Variants in SEZ6L2 observed in about 807,000 individuals in gnomAD.
The protein encoded by SEZ6L2 is seizure related 6 homolog like 2, also known as seizure 6-like protein 2.
SEZ6L2 carries 44 observed loss-of-function variants against 97.0 expected under a neutral mutation model. The observed-to-expected ratio is 0.45, with a 90% CI of 0.36 to 0.58. SEZ6L2 has a LOEUF of 0.58. Among genes scored for constraint, SEZ6L2 ranks in the 20% least tolerant of loss-of-function variants. The pLI is 0.00. For missense variants in SEZ6L2, 1,086 were observed against 1,233.3 expected, an observed-to-expected ratio of 0.88 and a Z score of 1.79; for synonymous variants, 543 against 546.1, an observed-to-expected ratio of 0.99 and a Z score of 0.08.
chr16:29,890,224 T>C (rs2068242378), intron 5 of SEZ6L2, among the ~76,000 whole-genome samples: 1 of 152,152 alleles, frequency 6.6e-6, no homozygotes, highest in Admixed American at 6.5e-5. Context: ...CAAAATAGTC[T>C]TTAAAGGCAC....
Position 29,873,154 on chromosome 16 carries a change from T to G in SEZ6L2, c.2488+86A>C. The G allele has an allele frequency of 6.8e-7, 1 of 1,465,252 alleles. No homozygotes were observed. The highest frequency in any genetic ancestry group is 9.3e-7 in the Non-Finnish European group (1 of 1,073,650). The allele number at this position is 1,465,252 out of a possible 1,614,324, so 90.8% of individuals were successfully genotyped here. ...ACCGGGAGCTCTGTGGGGTCGCCCA[T>G]TGGTCTCAAATGTGCTACCTGACTC... On this transcript the variant is annotated intron_variant, in intron 14 of 17. Transcript: ENST00000617533. This position sits in a 1 kb window ranked among gnomAD's most constrained non-coding sequence, Gnocchi z 4.3.
intron 7 of SEZ6L2, 129 bp downstream of exon 7, chr16:29,887,520 G>A: frequency 2.7e-6 from 2 of 748,438 alleles, no homozygotes; most frequent in South Asian, 4.6e-5. Flanking sequence ...CACCGTGTTA[G>A]CCAGGATGGA....
In SEZ6L2 at chr16:29,881,860, C is replaced by T. The variant is rs538067742; in HGVS notation, c.1373-1796G>A. ...GGCCAGGCTGGTCTCGAACACCTGA[C>T]CTCAGGTGATCCACCCGCCTCAGCC... On this transcript the variant is annotated intron_variant, in intron 8 of 17. Coordinates refer to ENST00000617533, the MANE Select transcript of SEZ6L2 (RefSeq NM_001243332.2). Among the ~76,000 whole-genome samples the T allele has an allele frequency of 1.1e-4, 16 of 147,700 alleles. No individual in the cohort carries two copies. The East Asian group carries it at 3.0e-3, about 27-fold the overall frequency.
chr16:29,872,152 A>G, intron 17 of SEZ6L2, 35 bp downstream of exon 17: 1 of 1,490,204 alleles, frequency 6.7e-7, no homozygotes, highest in Non-Finnish European at 9.1e-7. Flanking sequence ...GGGAGAGCCA[A>G]GTGGTGGCTC....
chr16:29,874,185 T>C (rs2150778909), intron 12 of SEZ6L2, among the ~76,000 whole-genome samples: 1 of 152,294 alleles, frequency 6.6e-6, no homozygotes, highest in East Asian at 1.9e-4. Context: ...GTATGTTATA[T>C]TTCAGGCTTC....
rs2150803106 is a variant in SEZ6L2 at position 29,887,776 on chromosome 16, T to C, written c.1081A>G (p.Ile361Val). The C allele has an allele frequency of 6.2e-7, 1 of 1,613,816 alleles. No homozygotes were observed. Among genetic ancestry groups the C allele is most frequent in the Non-Finnish European group, 8.5e-7 (1 of 1,179,904 alleles). ...GCTCCCCCAGGCTCTGGGGACACGA[T>C]GCGGCCCAGGGTGGCATTGTGGATG... ...GTIHNATLGRIVSPEPGGAVG... is the reference protein window; with the variant it reads ...GTIHNATLGRVVSPEPGGAVG... Residue 361 changes from isoleucine (I) to valine (V), a missense_variant, in exon 7 of 18, where the codon ATC becomes GTC. By Grantham distance (29) the Ile-to-Val change is conservative (BLOSUM62 3). Around this residue, in one of 2 missense-constraint regions of SEZ6L2, gnomAD observed 776 missense variants for 794.7 expected, o/e 0.98. Transcript: ENST00000617533.
chr16:29,872,254 G>T lies in SEZ6L2; in HGVS notation c.2675C>A (p.Ser892Ter). 1 of 1,612,490 alleles carries T rather than the reference G, an allele frequency of 6.2e-7. No homozygotes were observed. The highest frequency in any genetic ancestry group is 8.5e-7 in the Non-Finnish European group (1 of 1,179,298). ...GATGGGGCTGTAGGAGTGGGAGCCC[G>T]AGAAGCCGAAAAGGGACTTTCCCTG... ...KLQGKSLFGF[S>*]GSHSYSPITV... Residue 892 changes from serine (S) to a stop codon, truncating the protein, a stop_gained, in exon 17 of 18, where the codon TCG (serine) becomes TAG (stop). Coordinates refer to ENST00000617533, the MANE Select transcript of SEZ6L2 (RefSeq NM_001243332.2). LOFTEE classifies it high-confidence loss of function.
intron 1 of SEZ6L2, 63 bp downstream of exon 1, chr16:29,898,878 G>T: frequency 7.8e-7 from 1 of 1,274,572 alleles, no homozygotes; most frequent in Non-Finnish European, 1.1e-6. Context: ...TTAAGAGAAA[G>T]GAGGGTGGAG....
intron 9 of SEZ6L2, among the ~76,000 whole-genome samples, chr16:29,879,505 G>A (rs1327512860): frequency 6.6e-6 from 1 of 152,180 alleles, no homozygotes; most frequent in East Asian, 1.9e-4. Context: ...TATTACAGGC[G>A]TGAGCCACCG....
rs2068403215 is a variant in SEZ6L2 at position 29,896,860 on chromosome 16, A to G, written c.473T>C (p.Ile158Thr). The change falls in exon 3 of 18, where the codon ATC becomes ACC. Residue 158 changes from isoleucine (I) to threonine (T), a missense_variant. Ile to Thr is a moderately conservative substitution (Grantham distance 89). Transcript: ENST00000617533. ...CGTAGTGGTAACAGTTGTCGTGGTG[A>G]TGATGGTGGTCGTCGTCTCCTCCTC... ...GGEEETTTTI[I>T]TTTTVTTTVT... 6.2e-7 allele frequency: 1 copy of G among 1,613,720 alleles called. No individual in the cohort carries two copies. Among genetic ancestry groups the G allele is most frequent in the Non-Finnish European group, 8.5e-7 (1 of 1,179,926 alleles).
In SEZ6L2 at chr16:29,873,145, G is replaced by A; in HGVS notation, c.2488+95C>T. The A allele has an allele frequency of 7.3e-7, 1 of 1,376,072 alleles. No homozygotes were observed. Among genetic ancestry groups the A allele is most frequent in the East Asian group, 2.4e-5 (1 of 41,810 alleles). 85.2% of individuals were successfully genotyped at this position (1,376,072 alleles called of 1,614,324 possible). A position where few individuals can be genotyped will look rare whatever the true frequency, so the allele number is the denominator to read the frequency against. ...AGGAGGAGAACCGGGAGCTCTGTGGGGTCGCCCATTGGTCTCAAATGTGCT... is the reference window on the plus strand; with the variant it reads ...AGGAGGAGAACCGGGAGCTCTGTGGAGTCGCCCATTGGTCTCAAATGTGCT... On this transcript the variant is annotated intron_variant, in intron 14 of 17. Coordinates refer to ENST00000617533, the MANE Select transcript of SEZ6L2 (RefSeq NM_001243332.2). The surrounding 1 kb of genome is among the most constrained non-coding windows in gnomAD (Gnocchi z 4.3).
Position 29,878,260 on chromosome 16 carries a change from CGCACCCTCT to C in SEZ6L2, c.1712+18_1712+26del. The C allele has an allele frequency of 6.4e-7, 1 of 1,569,974 alleles. No homozygotes were observed. The highest frequency in any genetic ancestry group is 8.7e-7 in the Non-Finnish European group (1 of 1,153,132). Reference sequence around the variant, plus strand: ...CACACTTTGCTGAGCCTACACCCGTCGCACCCTCTGCAGGACCCAAACATACATCTCAAC... The same window carrying C: ...CACACTTTGCTGAGCCTACACCCGTCGCAGGACCCAAACATACATCTCAAC... On this transcript the variant is annotated intron_variant, in intron 10 of 17. Transcript: ENST00000617533.
Position 29,895,810 on chromosome 16 carries a change from C to A in SEZ6L2, c.562G>T (p.Asp188Tyr). ...SEGEGYVESP[D>Y]LGSPVSRTLG... ...GTGCGGCTGACGGGGCTCCCCAGAT[C>A]TGGAGACTCCACATACCCTTCGCCC... The change falls in exon 4 of 18, where the codon GAT becomes TAT. Residue 188 changes from aspartate (D) to tyrosine (Y), a missense_variant. Asp to Tyr is a radical substitution (Grantham distance 160). Around this residue, in one of 2 missense-constraint regions of SEZ6L2, gnomAD observed 776 missense variants for 794.7 expected, o/e 0.98. Coordinates refer to ENST00000617533, the MANE Select transcript of SEZ6L2 (RefSeq NM_001243332.2). The A allele has an allele frequency of 6.2e-7, 1 of 1,614,102 alleles. No homozygotes were observed. The highest frequency in any genetic ancestry group is 1.3e-5 in the African/African-American group (1 of 75,042).
At chr16:29,872,600 C>G (rs564385045) in intron 15 of SEZ6L2, 74 bp from the exon 16 acceptor site, 1 of 1,596,944 alleles carries the variant, frequency 6.3e-7, no homozygotes, top group African/African-American at 1.3e-5. Flanking sequence ...TGCCCTGGGC[C>G]TCAAACCCTG....
Position 29,873,175 on chromosome 16 carries a change from G to T in SEZ6L2, c.2488+65C>A. The T allele has an allele frequency of 6.4e-7, 1 of 1,571,418 alleles. No homozygotes were observed. Among genetic ancestry groups the T allele is most frequent in the East Asian group, 2.3e-5 (1 of 44,444 alleles). ...CCCATTGGTCTCAAATGTGCTACCT[G>T]ACTCTCCCAGCCCTGTCACTTCCCG... On this transcript the variant is annotated intron_variant, in intron 14 of 17. Coordinates refer to ENST00000617533, the MANE Select transcript of SEZ6L2 (RefSeq NM_001243332.2). The surrounding 1 kb of genome is among the most constrained non-coding windows in gnomAD (Gnocchi z 4.3).
Position 29,899,129 on chromosome 16 carries a change from T to C in SEZ6L2, c.-110A>G, listed in dbSNP as rs540870774. On this transcript the variant is annotated 5_prime_UTR_variant, in exon 1 of 18. Transcript: ENST00000617533. ...TTAATTGTTTTTTTTTTTTTTTTTTTTTTCCTCGTAGGAGTCAGCAAAGAA... is the reference window on the plus strand; with the variant it reads ...TTAATTGTTTTTTTTTTTTTTTTTTCTTTCCTCGTAGGAGTCAGCAAAGAA... The C allele has an allele frequency of 7.6e-5, 64 of 839,048 alleles. No homozygotes were observed. The African/African-American group carries it at 1.0e-3, about 13-fold the overall frequency. The allele number at this position is 839,048 out of a possible 1,614,324, so 52.0% of individuals were successfully genotyped here.
Position 29,878,367 on chromosome 16 carries a change from G to A in SEZ6L2, c.1632C>T (p.Pro544=). The A allele has an allele frequency of 6.2e-7, 1 of 1,608,966 alleles. No homozygotes were observed. Among genetic ancestry groups the A allele is most frequent in the Non-Finnish European group, 8.5e-7 (1 of 1,177,154 alleles). ...AGTCTTGGCCCGGGCTATAGCTCTG[G>A]GGCCAGTCGGGAGAGAGGACCACGC... ...PAGVVLSPDW[P]QSYSPGQDCV... Residue 544 remains proline (P), a synonymous_variant, in exon 10 of 18, where the codon CCC becomes CCT. Transcript: ENST00000617533.
chr16:29,899,110 GTTT>G lies in SEZ6L2; in HGVS notation c.-94_-92del, dbSNP rs556364210. 0.24 allele frequency: 114,201 copies of G among 481,642 alleles called. 4,596 individuals are homozygous for G. The highest frequency in any genetic ancestry group is 0.26 in the East Asian group (5,987 of 22,944). The allele number at this position is 481,642 out of a possible 1,614,324, so 29.8% of individuals were successfully genotyped here. A position where few individuals can be genotyped will look rare whatever the true frequency, so the allele number is the denominator to read the frequency against. ...TCTCCGTTTATCTTTCCCTTTAATT[GTTT>G]TTTTTTTTTTTTTTTTTTTCCTCGT... On this transcript the variant is annotated 5_prime_UTR_variant, in exon 1 of 18. Transcript: ENST00000617533.
At position 29,871,648 on chromosome 16, in the gene SEZ6L2, C is replaced by A. The variant is rs776055724; in HGVS notation, c.*51G>T. ...ACCGGGTCCCGTATTTCCCTCTGCC[C>A]GAATGAGGAGGGGAGGGGCGTCCTG... On this transcript the variant is annotated 3_prime_UTR_variant, in exon 18 of 18. Transcript: ENST00000617533. 2.5e-6 allele frequency: 4 copies of A among 1,580,118 alleles called. No homozygotes were observed. The highest frequency in any genetic ancestry group is 1.8e-5 in the Admixed American group (1 of 55,972).
Sources: allele counts gnomAD v4.1 joint callset (sites outside exome capture counted in the v4.1 genomes callset), GRCh38; gene constraint gnomAD v4.1.1; regional missense constraint gnomAD v4.1.1; non-coding constraint Gnocchi (gnomAD v3.1); transcripts MANE v1.5; gene names NCBI Gene and HGNC (gene_info 2026-07-23, HGNC 2026-07-21).